ZNF337: variants seen among roughly 807,000 people sequenced by gnomAD.
ZNF337 encodes the protein zinc finger protein 337.
In ZNF337, 8 loss-of-function variants were observed where a neutral mutation model predicts 12.1. The ratio of observed to expected loss-of-function variants is 0.66; its 90% CI spans 0.39 to 1.19. The LOEUF (loss-of-function observed/expected upper bound fraction) is 1.19, where lower values mean the gene tolerates loss of function less well. Ranked by LOEUF, ZNF337 falls within the 50% of genes most tolerant of loss-of-function variation. The pLI, the probability that ZNF337 is intolerant of heterozygous loss-of-function variation, is 0.01. For synonymous variants in ZNF337, 336 were observed against 320.0 expected (o/e 1.05, Z -0.53); for missense variants, 882 against 896.6 (o/e 0.98, Z 0.21).
chr20:25,685,550 C>T lies in ZNF337; in HGVS notation c.250+17G>A, dbSNP rs2065821025. 6.2e-7 allele frequency: 1 copy of T among 1,607,290 alleles called. No homozygotes were observed. Among genetic ancestry groups the T allele is most frequent in the Non-Finnish European group, 8.5e-7 (1 of 1,174,010 alleles). On this transcript the variant is annotated intron_variant, in intron 4 of 4. Coordinates refer to ENST00000252979, the MANE Select transcript of ZNF337 (RefSeq NM_015655.4). ...GCGGAGTGCCTTGTGCTCTGTCTGC[C>T]CTGTCTATCCCCTCACCTGCACAGG...
rs755037266 is a variant in ZNF337 at position 25,676,100 on chromosome 20, T to A, written c.1188A>T (p.Arg396Ser). The change falls in exon 5 of 5, where the codon AGA (arginine) becomes AGT (serine). Residue 396 changes from arginine to serine, a missense_variant. By Grantham distance (110) the Arg-to-Ser change is moderately radical (BLOSUM62 -1). Transcript: ENST00000252979. Reference protein sequence around the residue: ...SVKGSLLRHQRTHSGEKPFVC... With the variant: ...SVKGSLLRHQSTHSGEKPFVC... ...CAAAAGGCTTCTCCCCTGAGTGTGT[T>A]CTCTGGTGTCTGAGGAGACTTCCTT... 4 of 1,604,380 alleles carry A rather than the reference T, an allele frequency of 2.5e-6. No homozygotes were observed. Among genetic ancestry groups the A allele is most frequent in the Non-Finnish European group, 3.4e-6 (4 of 1,176,944 alleles).
rs6050780 is a variant in ZNF337, at chr20:25,673,573, T to G, written c.*1459A>C. Among the ~76,000 whole-genome samples the G allele has an allele frequency of 0.016, 2,364 of 152,220 alleles. 58 individuals carry two copies. The highest frequency in any genetic ancestry group is 0.054 in the African/African-American group (2,255 of 41,532). ...GGTGTCATTTTTCAGGATCCCAGAT[T>G]TTCCTTACGAAGGGTCTGACCTCTA... On this transcript the variant is annotated 3_prime_UTR_variant, in exon 5 of 5. Transcript: ENST00000252979.
rs767148766 is a variant in ZNF337, at chr20:25,675,140, T to C, written c.2148A>G (p.Gln716=). ...TATTGCTAAACTTTCGTCCACACTC[T>C]TGGCATTCATAAGGCCTCTCTCCTG... is the stretch of plus-strand genomic sequence containing the variant. The part of the protein sequence containing the change: ...IHTGERPYEC[Q]ECGRKFSNKS... Residue 716 remains glutamine, a synonymous_variant, in exon 5 of 5, where the codon CAA becomes CAG. Transcript: ENST00000252979. 30 of 1,614,112 alleles carry C rather than the reference T, an allele frequency of 1.9e-5. No individual in the cohort carries two copies. Among genetic ancestry groups the C allele is most frequent in the Non-Finnish European group, 2.5e-5 (30 of 1,180,054 alleles).
intron 4 of ZNF337, among the ~76,000 whole-genome samples, chr20:25,682,702 G>T (rs1319481459): frequency 6.6e-6 from 1 of 152,084 alleles, no homozygotes; most frequent in Admixed American, 6.5e-5. Flanking sequence ...AGGCATGGTG[G>T]TGAGGACATG....
chr20:25,688,866 C>T (rs1405165321), intron 1 of ZNF337, among the ~76,000 whole-genome samples: 1 of 152,172 alleles, frequency 6.6e-6, no homozygotes, highest in Non-Finnish European at 1.5e-5. Context: ...CGGTGGCTCA[C>T]GCCTGTAATC....
At chr20:25,677,159 A>G (rs2122359457) in intron 4 of ZNF337, 122 bp from the exon 5 acceptor site, 1 of 852,910 alleles carries the variant, frequency 1.2e-6, no homozygotes, top group East Asian at 2.7e-5. Context: ...AACAAACACC[A>G]ATTCTTCTCA....
intron 1 of ZNF337, among the ~76,000 whole-genome samples, chr20:25,689,912 G>C (rs983964019): frequency 6.6e-6 from 1 of 152,138 alleles, no homozygotes; most frequent in Non-Finnish European, 1.5e-5. Flanking sequence ...TAATCTTATA[G>C]GAGCTAACTT....
In ZNF337 at chr20:25,675,430, G is replaced by A. The variant is rs753712062; in HGVS notation, c.1858C>T (p.Leu620Phe). The A allele has an allele frequency of 6.8e-6, 11 of 1,612,668 alleles. No individual in the cohort carries two copies. In the East Asian group the frequency reaches 1.8e-4, roughly 26 times the overall value. ...AAAGGCTGCTTGCCAGAATGTGCAA[G>A]CTGGTGTTTCACAAGATTTGACTTC... ...IWKSNLVKHQ[L>F]AHSGKQPFVC... Residue 620 changes from leucine (L) to phenylalanine (F), a missense_variant, in exon 5 of 5, where the codon CTT becomes TTT. Physicochemically the swap from Leu to Phe is conservative, Grantham distance 22. Transcript: ENST00000252979.
intron 1 of ZNF337, among the ~76,000 whole-genome samples, chr20:25,693,224 G>C (rs1005487626): frequency 1.3e-5 from 2 of 152,178 alleles, no homozygotes; most frequent in Admixed American, 1.3e-4. Flanking sequence ...TTACAGGCGT[G>C]AGCCACCATG....
At chr20:25,683,571 A>T (rs1205617526) in intron 4 of ZNF337, among the ~76,000 whole-genome samples, 1 of 152,190 alleles carries the variant, frequency 6.6e-6, no homozygotes, top group Non-Finnish European at 1.5e-5. Context: ...ACTCCTCAAA[A>T]GAAGACATTT....
intron 1 of ZNF337, among the ~76,000 whole-genome samples, chr20:25,693,990 GAAAACTTTAC>G (rs1216395001): frequency 6.6e-6 from 1 of 152,118 alleles, no homozygotes; most frequent in Non-Finnish European, 1.5e-5. Context: ...TTCCAGAGAA[GAAAACTTTAC>G]GCAGGTTCCT....
In ZNF337 at chr20:25,675,753, C is replaced by A. The variant is rs781193831; in HGVS notation, c.1535G>T (p.Gly512Val). ...SYNKHLRAHL[G>V]EKRFFCRDCG... ...ATCCCTGCAGAAAAAACGTTTCTCACCCAAGTGTGCCCTCAGGTGCTTGTT... is the reference window on the plus strand; with the variant it reads ...ATCCCTGCAGAAAAAACGTTTCTCAACCAAGTGTGCCCTCAGGTGCTTGTT... Residue 512 changes from glycine (G) to valine (V), a missense_variant, in exon 5 of 5, where the codon GGT becomes GTT. Physicochemically the swap from Gly to Val is moderately radical, Grantham distance 109. Coordinates refer to ENST00000252979, the MANE Select transcript of ZNF337 (RefSeq NM_015655.4). The A allele has an allele frequency of 6.2e-7, 1 of 1,613,960 alleles. No homozygotes were observed. Among genetic ancestry groups the A allele is most frequent in the South Asian group, 1.1e-5 (1 of 91,072 alleles).
At position 25,696,813 on chromosome 20, in the gene ZNF337, T is replaced by A; in HGVS notation, c.-104A>T. The A allele has an allele frequency of 1.0e-6, 1 of 985,514 alleles. No individual in the cohort carries two copies. Among genetic ancestry groups the A allele is most frequent in the Non-Finnish European group, 1.2e-6 (1 of 829,988 alleles). The allele number at this position is 985,514 out of a possible 1,614,324, so 61.0% of individuals were successfully genotyped here. On this transcript the variant is annotated 5_prime_UTR_variant, in exon 1 of 5. An upstream start codon of the reference 5' UTR is lost. Coordinates refer to ENST00000252979, the MANE Select transcript of ZNF337 (RefSeq NM_015655.4). ...GAGGTCACCGATGGTGGACCACGCA[T>A]CTCACGGCTCGCTGACGCCCAGGGA...
chr20:25,673,439 A>T lies in ZNF337; in HGVS notation c.*1593T>A, dbSNP rs1342523837. On this transcript the variant is annotated 3_prime_UTR_variant, in exon 5 of 5. Coordinates refer to ENST00000252979, the MANE Select transcript of ZNF337 (RefSeq NM_015655.4). The stretch of plus-strand genomic sequence containing the variant: ...TAATTGTGAAGGTTCTGTGGTAATG[A>T]ATGGTGGAAATGCTATTCCTAAGGA... Among the ~76,000 whole-genome samples, 8 of 152,298 alleles carry T rather than the reference A, an allele frequency of 5.3e-5. No homozygotes were observed. The highest frequency in any genetic ancestry group is 1.9e-4 in the African/African-American group (8 of 41,570).
Position 25,675,481 on chromosome 20 carries a change from T to G in ZNF337, c.1807A>C (p.Ser603Arg). ...CAGATAAATCCTTGCCCACATTCAC[T>G]ACAGATGAAAGGCTTCTCCCCTGAG... ...THSGEKPFIC[S>R]ECGQGFIWKS... The change falls in exon 5 of 5, where the codon AGT becomes CGT. Residue 603 changes from serine to arginine, a missense_variant. Coordinates refer to ENST00000252979, the MANE Select transcript of ZNF337 (RefSeq NM_015655.4). The G allele has an allele frequency of 6.2e-7, 1 of 1,614,192 alleles. No homozygotes were observed. Among genetic ancestry groups the G allele is most frequent in the South Asian group, 1.1e-5 (1 of 91,082 alleles).
chr20:25,684,671 C>CAG (rs1490183959), intron 4 of ZNF337, among the ~76,000 whole-genome samples: 2 of 152,182 alleles, frequency 1.3e-5, no homozygotes, highest in Non-Finnish European at 2.9e-5. Context: ...AAGACACATG[C>CAG]AGAGGTATGT....
At chr20:25,685,757 C>CA (rs1364504405) in intron 3 of ZNF337, 95 bp from the exon 4 acceptor site, 12 of 1,262,402 alleles carry the variant, frequency 9.5e-6, no homozygotes, top group Non-Finnish European at 1.4e-5. Context: ...GAGGGAGAAT[C>CA]AGAGGGGGAA....
intron 4 of ZNF337, chr20:25,681,352 CT>C (rs1401449682): frequency 6.6e-6 from 1 of 152,130 alleles, no homozygotes; most frequent in African/African-American, 2.4e-5. Flanking sequence ...AAGCAGAGAC[CT>C]TATGCACGTG....
At chr20:25,681,283 C>G (rs1035249551) in intron 4 of ZNF337, 5 of 152,146 alleles carry the variant, frequency 3.3e-5, no homozygotes, top group East Asian at 1.9e-4. Context: ...CTACGATACT[C>G]AAGATGACAG....
Sources: allele counts gnomAD v4.1 joint callset (sites outside exome capture counted in the v4.1 genomes callset), GRCh38; gene constraint gnomAD v4.1.1; transcripts MANE v1.5; gene names NCBI Gene and HGNC (gene_info 2026-07-23, HGNC 2026-07-21).